WWC2: variants seen among roughly 807,000 people sequenced by gnomAD.
WWC2 encodes the protein WW and C2 domain containing 2, also known as protein WWC2.
In WWC2, 101 loss-of-function variants were observed where a neutral mutation model predicts 138.5. The observed-to-expected ratio is 0.73, with a 90% CI of 0.62 to 0.86. WWC2 has a LOEUF of 0.86. WWC2 is among the 40% of genes least tolerant of loss of function. The pLI, the probability that WWC2 is intolerant of heterozygous loss-of-function variation, is 0.00. For missense variants in WWC2, 1,420 were observed against 1,419.4 expected (o/e 1.00, Z -0.01); for synonymous variants, 558 against 538.4 (o/e 1.04, Z -0.50).
chr4:183,292,916 A>G (rs769824222), intron 21 of WWC2, among the ~76,000 whole-genome samples: 4 of 152,212 alleles, frequency 2.6e-5, no homozygotes, highest in Admixed American at 6.5e-5. Context: ...AAGATTGTAC[A>G]TGTTGACTAT....
chr4:183,127,940 A>G (rs1279998558), intron 1 of WWC2, among the ~76,000 whole-genome samples: 4 of 152,062 alleles, frequency 2.6e-5, no homozygotes, highest in Non-Finnish European at 5.9e-5. Flanking sequence ...AATCCAATCT[A>G]ATAAAGAAAT....
intron 1 of WWC2, among the ~76,000 whole-genome samples, chr4:183,161,347 C>G (rs545449082): frequency 1.3e-5 from 2 of 152,282 alleles, no homozygotes; most frequent in East Asian, 3.9e-4. Flanking sequence ...GATGGAGTTT[C>G]AGACAGGTTA....
intron 1 of WWC2, among the ~76,000 whole-genome samples, chr4:183,139,858 G>A (rs986126807): frequency 4.6e-5 from 7 of 152,168 alleles, no homozygotes; most frequent in Non-Finnish European, 8.8e-5. Context: ...TGTTTCCGAG[G>A]CTGGAGTGCA....
At chr4:183,166,552 C>T (rs191778602) in intron 1 of WWC2, among the ~76,000 whole-genome samples, 15 of 152,198 alleles carry the variant, frequency 9.9e-5, no homozygotes, top group East Asian at 1.9e-4. Context: ...GGCCTGAGTT[C>T]GTGTATATTT....
chr4:183,178,799 C>T (rs1734540010), intron 1 of WWC2, among the ~76,000 whole-genome samples: 1 of 152,166 alleles, frequency 6.6e-6, no homozygotes, highest in Admixed American at 6.5e-5. Flanking sequence ...TCGAGAACTA[C>T]AAGTAAGGCT....
rs2111144025 is a variant in WWC2 at position 183,320,656 on chromosome 4, A to G, written c.*4927A>G. On this transcript the variant is annotated 3_prime_UTR_variant, in exon 23 of 23. Transcript: ENST00000403733. ...GTGTTTCACTAACTGCACCTGTCAG[A>G]TTTTCATCTCTTATAGTTCTCACAT... 5.2e-6 allele frequency: 1 copy of G among 192,072 alleles called. No individual in the cohort carries two copies. The highest frequency in any genetic ancestry group is 1.2e-5 in the Non-Finnish European group (1 of 81,976). The allele number at this position is 192,072 out of a possible 1,614,324, so 11.9% of individuals were successfully genotyped here. A position where few individuals can be genotyped will look rare whatever the true frequency, so the allele number is the denominator to read the frequency against.
Position 183,219,575 on chromosome 4 carries a change from G to C in WWC2, c.522+10550G>C, listed in dbSNP as rs180711239. On this transcript the variant is annotated intron_variant, in intron 4 of 22. Transcript: ENST00000403733. Reference sequence around the variant, plus strand: ...CTATTTAAACAAAGATAATAAAATAGGTTGTGAGGTTTATAAAATATTTAA... The same window carrying C: ...CTATTTAAACAAAGATAATAAAATACGTTGTGAGGTTTATAAAATATTTAA... Among the ~76,000 whole-genome samples the C allele has an allele frequency of 1.8e-3, 273 of 152,266 alleles. 1 individual carries two copies. The highest frequency in any genetic ancestry group is 3.4e-3 in the Middle Eastern group (1 of 294).
At chr4:183,174,794 CCTTT>C (rs755274411) in intron 1 of WWC2, among the ~76,000 whole-genome samples, 53 of 151,976 alleles carry the variant, frequency 3.5e-4, no homozygotes, top group Non-Finnish European at 7.4e-4. Context: ...TTCTCCTTCT[CCTTT>C]CTCTCTCTCT....
At chr4:183,122,163 T>C (rs1467922326) in intron 1 of WWC2, among the ~76,000 whole-genome samples, 2 of 152,222 alleles carry the variant, frequency 1.3e-5, no homozygotes, top group Non-Finnish European at 1.5e-5. Flanking sequence ...ATTTTATTAC[T>C]GATTTATAAA....
chr4:183,312,384 A>T lies in WWC2; in HGVS notation c.3428A>T (p.Glu1143Val). Residue 1143 changes from glutamate to valine, a missense_variant, in exon 22 of 23, where the codon GAG (glutamate) becomes GTG (valine). Physicochemically the swap from Glu to Val is moderately radical, Grantham distance 121 (BLOSUM62 -2). Coordinates refer to ENST00000403733, the MANE Select transcript of WWC2 (RefSeq NM_024949.6). ...KEEQKQGLNA[E>V]KLMRQVSKDV... Reference sequence around the variant, plus strand: ...GAGCAGAAGCAAGGTCTGAATGCAGAGAAGTTGATGAGGCAAGTCTCCAAG... The same window carrying T: ...GAGCAGAAGCAAGGTCTGAATGCAGTGAAGTTGATGAGGCAAGTCTCCAAG... The T allele has an allele frequency of 6.2e-7, 1 of 1,613,834 alleles. No individual in the cohort carries two copies. The highest frequency in any genetic ancestry group is 8.5e-7 in the Non-Finnish European group (1 of 1,179,776).
intron 20 of WWC2, among the ~76,000 whole-genome samples, chr4:183,286,891 T>C (rs1338083462): frequency 1.3e-5 from 2 of 151,980 alleles, no homozygotes; most frequent in Admixed American, 6.6e-5. Flanking sequence ...TTGACAGCAG[T>C]TGGGGGGTCT....
At chr4:183,159,794 A>G (rs1362522522) in intron 1 of WWC2, among the ~76,000 whole-genome samples, 1 of 151,472 alleles carries the variant, frequency 6.6e-6, no homozygotes, top group Admixed American at 6.6e-5. Flanking sequence ...GCAAAAATTT[A>G]TAACTCCTTT....
At chr4:183,222,990 G>C (rs1045825092) in intron 4 of WWC2, among the ~76,000 whole-genome samples, 1 of 152,004 alleles carries the variant, frequency 6.6e-6, no homozygotes, top group Non-Finnish European at 1.5e-5. Context: ...TAAAAATATA[G>C]TTACGTGCCA....
At chr4:183,242,448 A>G (rs960527959) in intron 5 of WWC2, among the ~76,000 whole-genome samples, 1 of 152,208 alleles carries the variant, frequency 6.6e-6, no homozygotes, top group Non-Finnish European at 1.5e-5. Context: ...TGGGTAGACA[A>G]ATGTGGCATT....
chr4:183,309,748 A>G (rs28809610), intron 21 of WWC2, among the ~76,000 whole-genome samples: 2,109 of 152,380 alleles, frequency 0.014, 43 homozygotes, highest in African/African-American at 0.048. Flanking sequence ...TTACGTACAC[A>G]TGAAAACCTT....
At chr4:183,203,663 A>C (rs1373144367) in intron 2 of WWC2, 1 of 150,010 alleles carries the variant, frequency 6.7e-6, no homozygotes, top group Non-Finnish European at 1.5e-5. Context: ...GTACACAAAA[A>C]TGATTTTATT....
chr4:183,154,059 T>C (rs547625038), intron 1 of WWC2, among the ~76,000 whole-genome samples: 1 of 151,970 alleles, frequency 6.6e-6, no homozygotes, highest in South Asian at 2.1e-4. Context: ...TTAGTTCCTT[T>C]TAAATTAGGC....
At chr4:183,118,307 AC>A (rs1443632439) in intron 1 of WWC2, among the ~76,000 whole-genome samples, 1 of 152,206 alleles carries the variant, frequency 6.6e-6, no homozygotes. Flanking sequence ...TGTGAAACTT[AC>A]CTAGAAGTGT....
chr4:183,105,061 C>T (rs1475591734), intron 1 of WWC2, among the ~76,000 whole-genome samples: 1 of 152,130 alleles, frequency 6.6e-6, no homozygotes, highest in African/African-American at 2.4e-5. Flanking sequence ...TGCACGCCAC[C>T]CTGTACCCGG....
Sources: gnomAD v4.1 joint callset for allele counts (sites outside exome capture counted in the v4.1 genomes callset) on GRCh38, gnomAD v4.1.1 for gene constraint, MANE v1.5 for transcripts, NCBI Gene and HGNC (gene_info 2026-07-23, HGNC 2026-07-21) for gene names.